The following KIF26B variants were observed in gnomAD, a reference collection of about 807,000 sequenced individuals.
KIF26B encodes the protein kinesin-like protein KIF26B.
A neutral mutation model predicts 151.2 loss-of-function variants in KIF26B; 63 were observed. The observed-to-expected ratio is 0.42, with a 90% CI of 0.34 to 0.51. KIF26B has a LOEUF of 0.51. Ranked by LOEUF, KIF26B falls within the 20% of genes least tolerant of loss-of-function variation. The pLI, the probability that KIF26B is intolerant of heterozygous loss-of-function variation, is 0.07. For missense variants in KIF26B, 2,813 were observed against 2,913.6 expected (o/e 0.97, Z 0.79); for synonymous variants, 1,357 against 1,262.1 (o/e 1.08, Z -1.59).
At chr1:245,519,567 A>C (rs1661041994) in intron 4 of KIF26B, among the ~76,000 whole-genome samples, 1 of 151,720 alleles carries the variant, frequency 6.6e-6, no homozygotes, top group Non-Finnish European at 1.5e-5. Flanking sequence ...AAAAAAAAAG[A>C]AAAGAAAAAA....
intron 4 of KIF26B, among the ~76,000 whole-genome samples, chr1:245,485,155 C>A (rs375721235): frequency 5.3e-5 from 8 of 152,022 alleles, no homozygotes; most frequent in African/African-American, 1.7e-4. Context: ...AAATAGGGGA[C>A]CTAGAATAGG....
chr1:245,410,499 A>AAATT (rs1674251668), intron 3 of KIF26B, among the ~76,000 whole-genome samples: 5 of 152,222 alleles, frequency 3.3e-5, no homozygotes, highest in African/African-American at 7.2e-5. Flanking sequence ...CCCAAGCTGG[A>AAATT]GTGCAGTGGC....
intron 3 of KIF26B, among the ~76,000 whole-genome samples, chr1:245,407,948 G>A (rs1674175951): frequency 7.2e-6 from 1 of 138,064 alleles, no homozygotes; most frequent in Admixed American, 6.9e-5. Flanking sequence ...AGGGGGTGGC[G>A]CTGATCATTC....
chr1:245,561,610 T>C (rs1053550943), intron 5 of KIF26B, among the ~76,000 whole-genome samples: 12 of 152,368 alleles, frequency 7.9e-5, no homozygotes, highest in Middle Eastern at 3.4e-3. Context: ...CATTTGCATG[T>C]ATCAACTCAT....
intron 2 of KIF26B, among the ~76,000 whole-genome samples, chr1:245,346,440 C>T (rs1672459110): frequency 6.6e-6 from 1 of 152,174 alleles, no homozygotes. Flanking sequence ...CTTTGCATCT[C>T]TGGCCACCAG....
intron 4 of KIF26B, among the ~76,000 whole-genome samples, chr1:245,433,944 T>A (rs1658842083): frequency 6.6e-6 from 1 of 152,042 alleles, no homozygotes; most frequent in Admixed American, 6.5e-5. Flanking sequence ...TGGGGGTCTG[T>A]AGTGAAAAGG....
chr1:245,533,976 T>C (rs1661435555), intron 4 of KIF26B, among the ~76,000 whole-genome samples: 1 of 152,152 alleles, frequency 6.6e-6, no homozygotes, highest in African/African-American at 2.4e-5. Flanking sequence ...AGTTCTAAAC[T>C]GATCCTTGAA....
intron 10 of KIF26B, among the ~76,000 whole-genome samples, chr1:245,669,077 G>A (rs2044251935): frequency 6.6e-6 from 1 of 152,160 alleles, no homozygotes; most frequent in African/African-American, 2.4e-5. Flanking sequence ...CCTAGGTTAT[G>A]CTTGATTTCA....
rs879505536 is a variant in KIF26B at position 245,705,723 on chromosome 1, G to A, written c.*3117G>A. On this transcript the variant is annotated 3_prime_UTR_variant, in exon 15 of 15. Transcript: ENST00000407071. ...CGGAGCAAAACTAAGATCTAAGAACGGGCGGTGGTGCTATTGTGTCCCTGG... is the reference window on the plus strand; with the variant it reads ...CGGAGCAAAACTAAGATCTAAGAACAGGCGGTGGTGCTATTGTGTCCCTGG... The A allele has an allele frequency of 5.3e-5, 8 of 152,202 alleles. No homozygotes were observed. The highest frequency in any genetic ancestry group is 9.7e-5 in the African/African-American group (4 of 41,440). 9.4% of individuals were successfully genotyped at this position (152,202 alleles called of 1,614,324 possible).
rs1222945314 is a variant in KIF26B, at chr1:245,698,206, C to A, written c.5925C>A (p.Pro1975=). 1 of 1,614,044 alleles carries A rather than the reference C, an allele frequency of 6.2e-7. No individual in the cohort carries two copies. The highest frequency in any genetic ancestry group is 1.1e-5 in the South Asian group (1 of 91,088). ...CAGGCGTCCGCTGGGTGGATGGCCC[C>A]TTGCGGAGCAGCCCGAGGGGCCTTG... The part of the protein sequence containing the change: ...NSTGVRWVDG[P]LRSSPRGLGE... The change falls in exon 13 of 15, where the codon CCC becomes CCA. Residue 1975 remains proline, a synonymous_variant. Transcript: ENST00000407071. The surrounding 1 kb of genome is among the most constrained non-coding windows in gnomAD (Gnocchi z 4.0).
At chr1:245,419,152 A>G (rs1332989368) in intron 3 of KIF26B, among the ~76,000 whole-genome samples, 1 of 152,204 alleles carries the variant, frequency 6.6e-6, no homozygotes, top group Non-Finnish European at 1.5e-5. Context: ...CTTTATTAGC[A>G]GGCTTACTTC....
intron 2 of KIF26B, among the ~76,000 whole-genome samples, chr1:245,348,321 T>C (rs1672499535): frequency 6.6e-6 from 1 of 152,196 alleles, no homozygotes; most frequent in African/African-American, 2.4e-5. Flanking sequence ...TGCAAAATTG[T>C]ATCCCTAGCC....
intron 4 of KIF26B, among the ~76,000 whole-genome samples, chr1:245,423,057 C>T (rs1658530863): frequency 6.9e-6 from 1 of 144,624 alleles, no homozygotes; most frequent in Non-Finnish European, 1.5e-5. Context: ...GAGATGGCGC[C>T]ACTGCACTCC....
Position 245,244,749 on chromosome 1 carries a change from C to T in KIF26B, c.465+88066C>T, listed in dbSNP as rs565293933. On this transcript the variant is annotated intron_variant, in intron 2 of 14. Transcript: ENST00000407071. The surrounding 1 kb of genome is among the most constrained non-coding windows in gnomAD (Gnocchi z 4.2). ...GTTTGTGAGAAGGAACACACAGACA[C>T]GCACACTCACACACACACACACACA... Among the ~76,000 whole-genome samples the T allele has an allele frequency of 1.2e-4, 14 of 112,954 alleles. No homozygotes were observed. Among genetic ancestry groups the T allele is most frequent in the Admixed American group, 7.8e-4 (7 of 9,018 alleles). 74.1% of individuals were successfully genotyped at this position (112,954 alleles called of 152,430 possible).
intron 5 of KIF26B, among the ~76,000 whole-genome samples, chr1:245,552,517 T>C (rs1268055667): frequency 6.6e-6 from 1 of 152,076 alleles, no homozygotes; most frequent in Non-Finnish European, 1.5e-5. Flanking sequence ...GGGGAATGAA[T>C]GGAATGATGA....
chr1:245,312,192 G>T (rs773784823), intron 2 of KIF26B, among the ~76,000 whole-genome samples: 7 of 152,044 alleles, frequency 4.6e-5, no homozygotes, highest in African/African-American at 1.7e-4. Context: ...CTCCCTTCCC[G>T]CCAGGTAAAT....
intron 2 of KIF26B, among the ~76,000 whole-genome samples, chr1:245,312,936 C>G (rs900865636): frequency 5.3e-5 from 8 of 152,002 alleles, no homozygotes; most frequent in Non-Finnish European, 8.8e-5. Flanking sequence ...CTGAGGCGGG[C>G]AGATCACGAG....
chr1:245,602,750 C>T lies in KIF26B; in HGVS notation c.1524C>T (p.Ala508=). Residue 508 remains alanine (A), a synonymous_variant, in exon 6 of 15, where the codon GCC becomes GCT. Coordinates refer to ENST00000407071, the MANE Select transcript of KIF26B (RefSeq NM_018012.4). The surrounding 1 kb of genome is among the most constrained non-coding windows in gnomAD (Gnocchi z 4.5). ...ACCAGGTTCCTCCAAAGATGTTTGC[C>T]TTCGATGCAGTTTTTCCACAAGACG... ...RGNQVPPKMF[A]FDAVFPQDAS... 6.2e-7 allele frequency: 1 copy of T among 1,613,954 alleles called. No individual in the cohort carries two copies. The highest frequency in any genetic ancestry group is 1.3e-5 in the African/African-American group (1 of 75,042).
In KIF26B at chr1:245,688,573, A is replaced by G; in HGVS notation, c.5590A>G (p.Ser1864Gly). 6.4e-7 allele frequency: 1 copy of G among 1,561,174 alleles called. No individual in the cohort carries two copies. The highest frequency in any genetic ancestry group is 8.6e-7 in the Non-Finnish European group (1 of 1,156,504). Residue 1864 changes from serine (S) to glycine (G), a missense_variant, in exon 12 of 15, where the codon AGC becomes GGC. Ser to Gly is a moderately conservative substitution (Grantham distance 56, BLOSUM62 0). Coordinates refer to ENST00000407071, the MANE Select transcript of KIF26B (RefSeq NM_018012.4). Reference sequence around the variant, plus strand: ...GCCCCCGCGGAGGCCCCACCGCTGCAGCAGCGGCCACGGCAGCGACAACAG... The same window carrying G: ...GCCCCCGCGGAGGCCCCACCGCTGCGGCAGCGGCCACGGCAGCGACAACAG... ...ITPPRRPHRCSSGHGSDNSSV... is the reference protein window; with the variant it reads ...ITPPRRPHRCGSGHGSDNSSV...
Sources: allele counts gnomAD v4.1 joint callset (sites outside exome capture counted in the v4.1 genomes callset), GRCh38; gene constraint gnomAD v4.1.1; non-coding constraint Gnocchi (gnomAD v3.1); transcripts MANE v1.5; gene names NCBI Gene and HGNC (gene_info 2026-07-23, HGNC 2026-07-21).